Variants in LAMP3 observed in about 807,000 individuals in gnomAD.
The protein encoded by LAMP3 is lysosome associated membrane protein 3.
LAMP3 carries 26 observed loss-of-function variants against 34.8 expected under a neutral mutation model. The observed-to-expected ratio is 0.75, with a 90% CI of 0.55 to 1.04. The LOEUF (loss-of-function observed/expected upper bound fraction) is 1.04, where lower values mean the gene tolerates loss of function less well. Among genes scored for constraint, LAMP3 ranks in the 50% least tolerant of loss-of-function variants. The pLI, the probability that LAMP3 is intolerant of heterozygous loss-of-function variation, is 0.00. For synonymous variants in LAMP3, 180 were observed against 201.9 expected (o/e 0.89, Z 0.92); for missense variants, 495 against 524.0 (o/e 0.94, Z 0.54).
intron 3 of LAMP3, among the ~76,000 whole-genome samples, chr3:183,145,189 G>T (rs931631398): frequency 2.0e-5 from 3 of 152,178 alleles, no homozygotes; most frequent in Non-Finnish European, 4.4e-5. Context: ...TCTTGAACTG[G>T]AAGGGTCTGA....
In LAMP3 at chr3:183,130,672, A is replaced by C. The variant is rs925389449; in HGVS notation, c.1117+5045T>G. Among the ~76,000 whole-genome samples, 7 of 151,994 alleles carry C rather than the reference A, an allele frequency of 4.6e-5. No individual in the cohort carries two copies. In the South Asian group the frequency reaches 1.2e-3, roughly 27 times the overall value. On this transcript the variant is annotated intron_variant, in intron 5 of 5. Transcript: ENST00000265598. Reference sequence around the variant, plus strand: ...CCTTTGGGTTAGATATTTGGATTCTATTCTCTTTTTTGTAGCATGGAAACT... The same window carrying C: ...CCTTTGGGTTAGATATTTGGATTCTCTTCTCTTTTTTGTAGCATGGAAACT...
chr3:183,135,288 C>A (rs1055901033), intron 5 of LAMP3, among the ~76,000 whole-genome samples: 1 of 152,216 alleles, frequency 6.6e-6, no homozygotes, highest in Non-Finnish European at 1.5e-5. Flanking sequence ...TGAATTGCTG[C>A]ATCTTGCTCT....
At chr3:183,149,496 G>T (rs1416812390) in intron 3 of LAMP3, among the ~76,000 whole-genome samples, 1 of 139,760 alleles carries the variant, frequency 7.2e-6, no homozygotes, top group Non-Finnish European at 1.5e-5. Flanking sequence ...AGTGAGCCGA[G>T]ATCGCACCAC....
intron 3 of LAMP3, among the ~76,000 whole-genome samples, chr3:183,146,471 A>C (rs1319540415): frequency 1.3e-5 from 2 of 151,982 alleles, no homozygotes; most frequent in Non-Finnish European, 2.9e-5. Flanking sequence ...CAGAATCCAC[A>C]GGCCAAATCT....
At chr3:183,143,198 T>G (rs534543822) in intron 3 of LAMP3, among the ~76,000 whole-genome samples, 1 of 152,288 alleles carries the variant, frequency 6.6e-6, no homozygotes, top group South Asian at 2.1e-4. Flanking sequence ...AGCCTCAACC[T>G]GCTGGGCTCA....
At chr3:183,151,130 C>G (rs1720617049) in intron 3 of LAMP3, among the ~76,000 whole-genome samples, 1 of 152,202 alleles carries the variant, frequency 6.6e-6, no homozygotes, top group Non-Finnish European at 1.5e-5. Context: ...TCTAATCCTC[C>G]CAAGGGTCCT....
chr3:183,160,824 C>T (rs1720954062), intron 1 of LAMP3: 2 of 152,184 alleles, frequency 1.3e-5, no homozygotes, highest in South Asian at 4.1e-4. Flanking sequence ...TCTATTTCCT[C>T]GCAAGTAAAA....
At chr3:183,160,009 C>T (rs895918465) in intron 1 of LAMP3, among the ~76,000 whole-genome samples, 5 of 152,186 alleles carry the variant, frequency 3.3e-5, no homozygotes, top group African/African-American at 7.2e-5. Context: ...ACCTATATGT[C>T]GGATCCTAAT....
chr3:183,139,128 A>C (rs961906156), intron 4 of LAMP3, among the ~76,000 whole-genome samples: 5 of 152,104 alleles, frequency 3.3e-5, no homozygotes, highest in Admixed American at 3.3e-4. Flanking sequence ...AGTGGTTCAC[A>C]CCTATAATCC....
rs1374537981 is a variant in LAMP3 at position 183,154,205 on chromosome 3, GC to G, written c.235del (p.Ala79ProfsTer3). 6.2e-7 allele frequency: 1 copy of G among 1,614,046 alleles called. No individual in the cohort carries two copies. The highest frequency in any genetic ancestry group is 8.5e-7 in the Non-Finnish European group (1 of 1,180,022). The stretch of plus-strand genomic sequence containing the variant: ...GGTAGTTGTTGGAATTTTTACTGTG[GC>G]CGCTGTTTGAAAGGTGATATGACCA... Reference protein sequence around the residue: ...MDGHITFQTAATVKIPTTTPA... With the variant: ...MDGHITFQTAXTVKIPTTTPA... On this transcript the variant is annotated frameshift_variant, in exon 2 of 6. Transcript: ENST00000265598. LOFTEE classifies it high-confidence loss of function.
chr3:183,149,394 G>C (rs2108608326), intron 3 of LAMP3, among the ~76,000 whole-genome samples: 1 of 151,326 alleles, frequency 6.6e-6, no homozygotes, highest in African/African-American at 2.4e-5. Flanking sequence ...ACAAAAATTA[G>C]CCAGGCGTGG....
At position 183,153,756 on chromosome 3, in the gene LAMP3, G is replaced by A. The variant is rs1478962514; in HGVS notation, c.685C>T (p.Gln229Ter). The A allele has an allele frequency of 6.4e-7, 1 of 1,556,544 alleles. No individual in the cohort carries two copies. Among genetic ancestry groups the A allele is most frequent in the African/African-American group, 1.4e-5 (1 of 73,378 alleles). ...QPSSVKTGIYQVLNGSRLCIK... is the reference protein window; with the variant it reads ...QPSSVKTGIY ...CAGAGTCTGCTTCCGTTTAGAACCT[G>A]ATAAATTCCAGTCTTGACTGACGAT... Residue 229 changes from glutamine (Q) to a stop codon, truncating the protein, a stop_gained, in exon 2 of 6, where the codon CAG becomes TAG. Transcript: ENST00000265598. LOFTEE classifies it high-confidence loss of function.
upstream of LAMP3, among the ~76,000 whole-genome samples, chr3:183,163,095 T>C (rs1306078856): frequency 1.3e-5 from 2 of 151,656 alleles, no homozygotes; most frequent in African/African-American, 2.4e-5. Context: ...GTAGCTGGGA[T>C]TACAGGCATG....
chr3:183,161,845 C>T, intron 1 of LAMP3: 1 of 445,668 alleles, frequency 2.2e-6, no homozygotes, highest in Non-Finnish European at 3.0e-6. Context: ...CCTAAAAGAA[C>T]CTGAAACTGT....
intron 3 of LAMP3, among the ~76,000 whole-genome samples, chr3:183,140,914 C>T (rs747262791): frequency 6.6e-6 from 1 of 152,266 alleles, no homozygotes; most frequent in Non-Finnish European, 1.5e-5. Flanking sequence ...AAATGCAAGT[C>T]CATTGGGAAG....
At chr3:183,132,998 CA>C (rs1027263437) in intron 5 of LAMP3, 28 of 945,694 alleles carry the variant, frequency 3.0e-5, no homozygotes, top group Non-Finnish European at 3.3e-5. Flanking sequence ...AGACTGGCCA[CA>C]AATGCTGGGA....
At chr3:183,127,231 G>A (rs552833832) in intron 5 of LAMP3, among the ~76,000 whole-genome samples, 143 of 152,166 alleles carry the variant, frequency 9.4e-4, no homozygotes, top group Admixed American at 1.6e-3. Context: ...AGCTCCTGAG[G>A]TCAGCCATCC....
At chr3:183,132,232 C>G in intron 5 of LAMP3, 5 of 982,512 alleles carry the variant, frequency 5.1e-6, no homozygotes, top group Non-Finnish European at 6.0e-6. Flanking sequence ...GTGAAATAGG[C>G]AGTTTCCTAA....
In LAMP3 at chr3:183,154,342, G is replaced by C. The variant is rs1720763497; in HGVS notation, c.99C>G (p.Thr33=). Residue 33 remains threonine, a synonymous_variant, in exon 2 of 6, where the codon ACC becomes ACG. Transcript: ENST00000265598. ...SQMRAKAFPE[T]RDYSQPTAAA... ...CTGCAGTAGGTTGAGAATAATCTCT[G>C]GTTTCTGGAAATGCTTTTGCTCTCA... The C allele has an allele frequency of 6.2e-7, 1 of 1,609,462 alleles. No individual in the cohort carries two copies. Among genetic ancestry groups the C allele is most frequent in the Admixed American group, 1.7e-5 (1 of 59,126 alleles).
Sources: gnomAD v4.1 joint callset for allele counts (sites outside exome capture counted in the v4.1 genomes callset) on GRCh38, gnomAD v4.1.1 for gene constraint, MANE v1.5 for transcripts, NCBI Gene and HGNC (gene_info 2026-07-23, HGNC 2026-07-21) for gene names.